CDH6: variants seen among roughly 807,000 people sequenced by gnomAD.
CDH6 encodes the protein cadherin-6.
A neutral mutation model predicts 78.0 loss-of-function variants in CDH6; 31 were observed. The ratio of observed to expected loss-of-function variants is 0.40; its 90% CI spans 0.30 to 0.54. The LOEUF is 0.54. Ranked by LOEUF, CDH6 falls within the 20% of genes least tolerant of loss-of-function variation. The pLI is 0.56. For missense variants in CDH6, 724 were observed against 975.9 expected (o/e 0.74, Z 3.44); for synonymous variants, 376 against 368.8 (o/e 1.02, Z -0.23).
chr5:31,259,269 T>C (rs1742146610), intron 1 of CDH6, among the ~76,000 whole-genome samples: 1 of 152,254 alleles, frequency 6.6e-6, no homozygotes, highest in African/African-American at 2.4e-5. Flanking sequence ...AAATCATCTA[T>C]GATATGCCAA....
At chr5:31,312,448 C>T (rs561142692) in intron 7 of CDH6, among the ~76,000 whole-genome samples, 1 of 152,338 alleles carries the variant, frequency 6.6e-6, no homozygotes, top group African/African-American at 2.4e-5. Flanking sequence ...ACTGTTATCC[C>T]AGCACTTCGG....
In CDH6 at chr5:31,305,243, C is replaced by A; in HGVS notation, c.1069C>A (p.Arg357=). The change falls in exon 7 of 12, where the codon CGA becomes AGA. Residue 357 remains arginine, a synonymous_variant. Coordinates refer to ENST00000265071, the MANE Select transcript of CDH6 (RefSeq NM_004932.4). ...VEASNPYVEP[R]FLYLGPFKDS... ...AGCCTCCAATCCTTATGTTGAGCCACGATTTCTCTACTTGGGGCCTTTCAA... is the reference window on the plus strand; with the variant it reads ...AGCCTCCAATCCTTATGTTGAGCCAAGATTTCTCTACTTGGGGCCTTTCAA... 6.2e-7 allele frequency: 1 copy of A among 1,614,026 alleles called. No individual in the cohort carries two copies. The highest frequency in any genetic ancestry group is 8.5e-7 in the Non-Finnish European group (1 of 1,179,974).
chr5:31,194,859 C>G (rs78257697), intron 1 of CDH6, among the ~76,000 whole-genome samples: 2,007 of 152,220 alleles, frequency 0.013, 50 homozygotes, highest in African/African-American at 0.046. Context: ...GTTAGATATT[C>G]TGTCATGAGT....
intron 6 of CDH6, among the ~76,000 whole-genome samples, chr5:31,303,588 A>G (rs1261876679): frequency 3.3e-5 from 5 of 152,210 alleles, no homozygotes; most frequent in Non-Finnish European, 7.3e-5. Flanking sequence ...AAATACGGCA[A>G]AAATTAAAAA....
In CDH6 at chr5:31,317,926, TA is replaced by T. The variant is rs779070285; in HGVS notation, c.1882+5del. 1 of 1,612,214 alleles carries T rather than the reference TA, an allele frequency of 6.2e-7. No individual in the cohort carries two copies. The highest frequency in any genetic ancestry group is 8.5e-7 in the Non-Finnish European group (1 of 1,180,018). On this transcript the variant is annotated splice_donor_region_variant and intron_variant, in intron 11 of 11. Transcript: ENST00000265071. ...TTCTGTGCATCGTGATCCTACTAGG[TA>T]AACTGGTTCTCCCTGCCTCCTATCT... is the stretch of plus-strand genomic sequence containing the variant.
Position 31,322,993 on chromosome 5 carries a change from C to G in CDH6, c.2058C>G (p.Asn686Lys), listed in dbSNP as rs150884160. 1 of 1,614,046 alleles carries G rather than the reference C, an allele frequency of 6.2e-7. No homozygotes were observed. Among genetic ancestry groups the G allele is most frequent in the African/African-American group, 1.3e-5 (1 of 74,922 alleles). The change falls in exon 12 of 12, where the codon AAC becomes AAG. Residue 686 changes from asparagine (N) to lysine (K), a missense_variant. By Grantham distance (94) the Asn-to-Lys change is moderately conservative (BLOSUM62 0). Transcript: ENST00000265071. ...GGAATCCTGAAGCCATAGAGGACAA[C>G]AAATTACGAAGGGACATTGTGCCCG... ...TLRNPEAIED[N>K]KLRRDIVPEA...
At chr5:31,275,403 G>T (rs558997338) in intron 2 of CDH6, among the ~76,000 whole-genome samples, 1 of 151,924 alleles carries the variant, frequency 6.6e-6, no homozygotes, top group Admixed American at 6.6e-5. Context: ...CCATCCTTAC[G>T]TCCATGAGTA....
At chr5:31,224,479 A>G (rs141023829) in intron 1 of CDH6, among the ~76,000 whole-genome samples, 18 of 152,290 alleles carry the variant, frequency 1.2e-4, no homozygotes, top group Admixed American at 5.2e-4. Context: ...TAAATTATCT[A>G]AAGTAATATG....
At chr5:31,269,610 C>T (rs926072037) in intron 2 of CDH6, among the ~76,000 whole-genome samples, 4 of 146,208 alleles carry the variant, frequency 2.7e-5, no homozygotes, top group African/African-American at 5.0e-5. Context: ...GTAAAAAATC[C>T]GTTGTATATG....
At chr5:31,267,815 T>TAACTGGTAAG (rs1396398603) in intron 2 of CDH6, 114 bp downstream of exon 2, 20 of 797,408 alleles carry the variant, frequency 2.5e-5, no homozygotes, top group Non-Finnish European at 4.0e-6. Context: ...AATTGTTGCT[T>TAACTGGTAAG]AACTGGTAAG....
intron 2 of CDH6, 152 bp from the exon 3 acceptor site, chr5:31,293,810 T>G: frequency 1.0e-5 from 5 of 495,784 alleles, no homozygotes; most frequent in South Asian, 4.0e-5. Context: ...GTATTTACCA[T>G]TAAGAGGTTA....
intron 1 of CDH6, among the ~76,000 whole-genome samples, chr5:31,205,166 A>G (rs1218572509): frequency 6.6e-6 from 1 of 152,254 alleles, no homozygotes; most frequent in East Asian, 1.9e-4. Context: ...AATGCTTACT[A>G]GGTGAAATTC....
chr5:31,300,106 A>C (rs1737721165), intron 5 of CDH6, among the ~76,000 whole-genome samples: 1 of 152,248 alleles, frequency 6.6e-6, no homozygotes, highest in Non-Finnish European at 1.5e-5. Context: ...ATTTGTAATC[A>C]TAAGTCGTTT....
rs76751097 is a variant in CDH6, at chr5:31,287,267, A to G, written c.229-6695A>G. 2.7e-3 allele frequency among the ~76,000 whole-genome samples: 404 copies of G among 152,256 alleles called. 2 individuals carry two copies. The highest frequency in any genetic ancestry group is 9.4e-3 in the African/African-American group (391 of 41,536). ...CCAGCATATAAGGGGCAGATAGAGG[A>G]GGCAAAGTTAATCATTTCCAGTTCT... On this transcript the variant is annotated intron_variant, in intron 2 of 11. Transcript: ENST00000265071.
intron 6 of CDH6, among the ~76,000 whole-genome samples, chr5:31,302,925 A>G (rs1438725481): frequency 3.2e-5 from 4 of 126,666 alleles, no homozygotes; most frequent in African/African-American, 1.0e-4. Context: ...GAAAGAAAGA[A>G]AGAAAGAAAG....
intron 2 of CDH6, among the ~76,000 whole-genome samples, chr5:31,268,617 C>A (rs943686322): frequency 1.3e-5 from 2 of 152,156 alleles, no homozygotes; most frequent in African/African-American, 4.8e-5. Context: ...CACATCCCTT[C>A]ATAAACAAAC....
At chr5:31,250,047 C>T (rs1379837052) in intron 1 of CDH6, 1 of 152,250 alleles carries the variant, frequency 6.6e-6, no homozygotes, top group South Asian at 2.1e-4. Context: ...GAGAACACAA[C>T]ACCTCAGACA....
chr5:31,323,231 T>G lies in CDH6; in HGVS notation c.2296T>G (p.Tyr766Asp). 6.2e-7 allele frequency: 1 copy of G among 1,614,136 alleles called. No homozygotes were observed. The highest frequency in any genetic ancestry group is 1.1e-5 in the South Asian group (1 of 91,082). The change falls in exon 12 of 12, where the codon TAC becomes GAC. Residue 766 changes from tyrosine (Y) to aspartate (D), a missense_variant. Around this residue, in one of 3 missense-constraint regions of CDH6, gnomAD observed 220 missense variants for 240.6 expected, o/e 0.91. Transcript: ENST00000265071. ...CACGGATGCAGATCAAGACTATGATTACCTTAGTGACTGGGGACCTCGATT... is the reference window on the plus strand; with the variant it reads ...CACGGATGCAGATCAAGACTATGATGACCTTAGTGACTGGGGACCTCGATT... ...VTTDADQDYDYLSDWGPRFKK... is the reference protein window; with the variant it reads ...VTTDADQDYDDLSDWGPRFKK...
chr5:31,308,125 C>CA (rs1738040278), intron 7 of CDH6, among the ~76,000 whole-genome samples: 1 of 152,058 alleles, frequency 6.6e-6, no homozygotes, highest in Non-Finnish European at 1.5e-5. Flanking sequence ...AAATGTTGAA[C>CA]AACTAAGTGC....
Sources: allele counts gnomAD v4.1 joint callset (sites outside exome capture counted in the v4.1 genomes callset), GRCh38; gene constraint gnomAD v4.1.1; regional missense constraint gnomAD v4.1.1; transcripts MANE v1.5; gene names NCBI Gene and HGNC (gene_info 2026-07-23, HGNC 2026-07-21).